The following NR3C1 variants were observed in gnomAD, a reference collection of about 807,000 sequenced individuals.
NR3C1 encodes glucocorticoid receptor.
A neutral mutation model predicts 74.0 loss-of-function variants in NR3C1; 14 were observed. The ratio of observed to expected loss-of-function variants is 0.19; its 90% CI spans 0.12 to 0.30. The LOEUF is 0.30. Ranked by LOEUF, NR3C1 falls within the 10% of genes least tolerant of loss-of-function variation. The probability of loss-of-function intolerance (pLI) is 1.00; values close to 1 mark genes in which losing one functional copy is unlikely to be tolerated. For missense variants in NR3C1, 695 were observed against 909.8 expected (o/e 0.76, Z 3.04); for synonymous variants, 308 against 332.5 (o/e 0.93, Z 0.80).
chr5:143,381,465 C>T (rs1245021910), intron 2 of NR3C1, among the ~76,000 whole-genome samples: 1 of 151,826 alleles, frequency 6.6e-6, no homozygotes, highest in African/African-American at 2.4e-5. Context: ...TATGGAACCA[C>T]AAAAGCCCCG....
chr5:143,404,216 G>A (rs1840887925), upstream of NR3C1: 2 of 985,192 alleles, frequency 2.0e-6, no homozygotes, highest in Non-Finnish European at 1.2e-6. Flanking sequence ...CGCCGCCGCC[G>A]GGCCGAGTTG....
intron 1 of NR3C1, among the ~76,000 whole-genome samples, chr5:143,401,821 A>G (rs1840338520): frequency 6.6e-6 from 1 of 152,266 alleles, no homozygotes. Flanking sequence ...AAATTCAGGT[A>G]CAACTGTATC....
intron 2 of NR3C1, among the ~76,000 whole-genome samples, chr5:143,365,903 G>A (rs577529556): frequency 6.6e-5 from 10 of 152,234 alleles, no homozygotes; most frequent in East Asian, 3.9e-4. Flanking sequence ...AATAATAAAC[G>A]GGTTAGAGGG....
upstream of NR3C1, chr5:143,404,154 G>T: frequency 1.0e-6 from 1 of 985,440 alleles, no homozygotes; most frequent in East Asian, 1.1e-4. Context: ...CAGCGGGCGG[G>T]CCACAAGAGC....
intron 1 of NR3C1, chr5:143,402,706 G>A: frequency 1.0e-6 from 1 of 985,356 alleles, no homozygotes; most frequent in African/African-American, 1.7e-5. Context: ...GCACCCTCAC[G>A]CGCCCCGCAC....
intron 2 of NR3C1, among the ~76,000 whole-genome samples, chr5:143,327,775 G>T (rs988057285): frequency 1.3e-5 from 2 of 152,258 alleles, no homozygotes; most frequent in Admixed American, 1.3e-4. Flanking sequence ...GCACACTGAA[G>T]TAAGGGGTGG....
At chr5:143,294,399 T>C (rs1027589590) in intron 7 of NR3C1, 101 of 840,110 alleles carry the variant, frequency 1.2e-4, no homozygotes, top group Non-Finnish European at 1.3e-4. Flanking sequence ...TAGAGCTTTT[T>C]TTAAAAAAGA....
chr5:143,409,901 A>T (rs1169787057), intron 1 of NR3C1, among the ~76,000 whole-genome samples: 1 of 152,220 alleles, frequency 6.6e-6, no homozygotes, highest in African/African-American at 2.4e-5. Flanking sequence ...GCAACCTAAA[A>T]TATCACAATT....
chr5:143,353,743 G>C (rs1830627454), intron 2 of NR3C1, among the ~76,000 whole-genome samples: 1 of 152,092 alleles, frequency 6.6e-6, no homozygotes, highest in Admixed American at 6.5e-5. Flanking sequence ...TTCATTTCTA[G>C]AGTACAAGCA....
chr5:143,399,528 CACTTAA>C (rs1839843610), intron 2 of NR3C1, 122 bp downstream of exon 2: 2 of 760,116 alleles, frequency 2.6e-6, no homozygotes, highest in South Asian at 1.7e-5. Flanking sequence ...TTCAAAAGGC[CACTTAA>C]ACTTATTCAT....
intron 2 of NR3C1, among the ~76,000 whole-genome samples, chr5:143,346,252 CTCT>C (rs1313777925): frequency 6.6e-6 from 1 of 152,144 alleles, no homozygotes; most frequent in African/African-American, 2.4e-5. Flanking sequence ...GTCATTGTGC[CTCT>C]TCTTCTCCTC....
intron 4 of NR3C1, among the ~76,000 whole-genome samples, chr5:143,303,104 A>G (rs1455819795): frequency 2.6e-5 from 4 of 152,120 alleles, no homozygotes; most frequent in Non-Finnish European, 5.9e-5. Flanking sequence ...AGATGACATT[A>G]CAAGAGATTC....
At chr5:143,293,974 CTTCT>C (rs1485376816) in intron 7 of NR3C1, 2 of 984,668 alleles carry the variant, frequency 2.0e-6, no homozygotes, top group Non-Finnish European at 2.4e-6. Context: ...TGCTTAATCA[CTTCT>C]TTAACAAGTG....
In NR3C1 at chr5:143,300,803, T is replaced by C; in HGVS notation, c.1469-40A>G. On this transcript the variant is annotated intron_variant, in intron 4 of 8. Coordinates refer to ENST00000394464, the MANE Select transcript of NR3C1 (RefSeq NM_000176.3). This position sits in a 1 kb window ranked among gnomAD's most constrained non-coding sequence, Gnocchi z 5.2. The stretch of plus-strand genomic sequence containing the variant: ...ACAAATACATAGAAATGAACTGTAA[T>C]GGGAAGGTCTGCGCTACACAGTTTA... 1 of 1,571,510 alleles carries C rather than the reference T, an allele frequency of 6.4e-7. No homozygotes were observed. Among genetic ancestry groups the C allele is most frequent in the Non-Finnish European group, 8.7e-7 (1 of 1,143,614 alleles).
intron 1 of NR3C1, chr5:143,402,781 G>C: frequency 2.0e-6 from 2 of 985,430 alleles, no homozygotes; most frequent in Non-Finnish European, 2.4e-6. Flanking sequence ...GGGCGCGCCG[G>C]GGTGGCGTGC....
chr5:143,378,674 G>A (rs571063894), intron 2 of NR3C1, among the ~76,000 whole-genome samples: 1 of 152,272 alleles, frequency 6.6e-6, no homozygotes, highest in Non-Finnish European at 1.5e-5. Flanking sequence ...TACTGTGTGT[G>A]TGTTTCATCT....
At chr5:143,344,680 T>C (rs1828888986) in intron 2 of NR3C1, among the ~76,000 whole-genome samples, 1 of 152,126 alleles carries the variant, frequency 6.6e-6, no homozygotes, top group Non-Finnish European at 1.5e-5. Context: ...CCAGACCAGC[T>C]TGGCCAACAT....
At chr5:143,287,033 AAAATG>A (rs1177438075) in intron 7 of NR3C1, among the ~76,000 whole-genome samples, 7 of 152,234 alleles carry the variant, frequency 4.6e-5, no homozygotes, top group Admixed American at 2.0e-4. Context: ...AGGACATTAG[AAAATG>A]AAATGAATGA....
intron 2 of NR3C1, among the ~76,000 whole-genome samples, chr5:143,360,762 A>G (rs1435938442): frequency 2.0e-5 from 3 of 152,216 alleles, no homozygotes; most frequent in Non-Finnish European, 4.4e-5. Context: ...GGTTTCTGGT[A>G]TCTCATTAGG....
Sources: allele counts gnomAD v4.1 joint callset (sites outside exome capture counted in the v4.1 genomes callset), GRCh38; gene constraint gnomAD v4.1.1; non-coding constraint Gnocchi (gnomAD v3.1); transcripts MANE v1.5; gene names NCBI Gene and HGNC (gene_info 2026-07-23, HGNC 2026-07-21).